SREBF1: variants seen among roughly 807,000 people sequenced by gnomAD.
The protein encoded by SREBF1 is sterol regulatory element-binding protein 1.
SREBF1 carries 45 observed loss-of-function variants against 100.1 expected under a neutral mutation model. The ratio of observed to expected loss-of-function variants is 0.45; its 90% CI spans 0.35 to 0.58. SREBF1 has a LOEUF of 0.58. SREBF1 is among the 20% of genes least tolerant of loss of function. SREBF1 has a pLI of 0.00. For synonymous variants in SREBF1, 657 were observed against 681.8 expected (o/e 0.96, Z 0.57); for missense variants, 1,324 against 1,539.4 (o/e 0.86, Z 2.34).
intron 1 of SREBF1, among the ~76,000 whole-genome samples, chr17:17,831,637 G>A (rs1388972245): frequency 6.6e-6 from 1 of 152,172 alleles, no homozygotes; most frequent in Non-Finnish European, 1.5e-5. Context: ...TCCTCAGCAG[G>A]GAGGTGAAGA....
At chr17:17,833,016 C>T (rs1218273768) in intron 1 of SREBF1, among the ~76,000 whole-genome samples, 1 of 151,956 alleles carries the variant, frequency 6.6e-6, no homozygotes, top group African/African-American at 2.4e-5. Flanking sequence ...AGGTGTCCAT[C>T]GACAGGGAAT....
Position 17,814,737 on chromosome 17 carries a change from C to CT in SREBF1, c.2612_2613insA (p.Val872GlyfsTer20). 1 of 1,610,562 alleles carries CT rather than the reference C, an allele frequency of 6.2e-7. No homozygotes were observed. The highest frequency in any genetic ancestry group is 1.1e-5 in the South Asian group (1 of 90,706). On this transcript the variant is annotated frameshift_variant, in exon 15 of 19. Transcript: ENST00000261646. LOFTEE classifies it high-confidence loss of function. ...TCAGAGAGGCCCACCACTTGGCCAC[C>CT]GGGTCTACGCCTGCAGAAGAGGGAG...
chr17:17,823,427 T>G, intron 1 of SREBF1: 2 of 990,454 alleles, frequency 2.0e-6, no homozygotes, highest in Non-Finnish European at 3.2e-6. Flanking sequence ...CCTGCTCAAG[T>G]TGCGTAGCCC....
At position 17,819,371 on chromosome 17, in the gene SREBF1, T is replaced by C. The variant is rs2033908677; in HGVS notation, c.795A>G (p.Ala265=). Residue 265 remains alanine (A), a synonymous_variant, in exon 4 of 19, where the codon GCA becomes GCG. Coordinates refer to ENST00000261646, the MANE Select transcript of SREBF1 (RefSeq NM_004176.5). ...MKTDGATVKA[A]GLSPLVSGTT... ...TGCCAGAGACCAGGGGACTGAGACC[T>C]GCCGCCTTCACAGTGGCTCCGTCTG... 1.9e-6 allele frequency: 3 copies of C among 1,613,720 alleles called. No individual in the cohort carries two copies. Among genetic ancestry groups the C allele is most frequent in the Admixed American group, 1.7e-5 (1 of 60,014 alleles).
At chr17:17,829,877 C>T (rs1196539301) in intron 1 of SREBF1, among the ~76,000 whole-genome samples, 3 of 152,076 alleles carry the variant, frequency 2.0e-5, no homozygotes, top group African/African-American at 4.8e-5. Flanking sequence ...CAGACTCAAG[C>T]GATCCCCCTG....
intron 1 of SREBF1, among the ~76,000 whole-genome samples, chr17:17,831,803 G>C (rs1331708095): frequency 3.3e-5 from 5 of 152,196 alleles, no homozygotes; most frequent in Non-Finnish European, 7.3e-5. Context: ...GGACACTATA[G>C]CCAGGGCAGT....
At chr17:17,825,952 G>T (rs186104879) in intron 1 of SREBF1, among the ~76,000 whole-genome samples, 98 of 152,234 alleles carry the variant, frequency 6.4e-4, no homozygotes, top group Admixed American at 2.2e-3. Flanking sequence ...ACTGAAAAAG[G>T]AAACTCTAGA....
In SREBF1 at chr17:17,818,365, AT is replaced by A; in HGVS notation, c.1077del (p.Lys359AsnfsTer27). ...LVVGTEAKLN[K>X]SAVLRKAIDY... ...TCGATGGCCTTGCGCAAGACAGCAG[AT>A]TTATTCAGCTGCACGGTGTGGGAGG... is the stretch of plus-strand genomic sequence containing the variant. On this transcript the variant is annotated frameshift_variant, in exon 6 of 19. Coordinates refer to ENST00000261646, the MANE Select transcript of SREBF1 (RefSeq NM_004176.5). LOFTEE classifies it high-confidence loss of function. The A allele has an allele frequency of 1.2e-6, 2 of 1,612,938 alleles. No homozygotes were observed. The highest frequency in any genetic ancestry group is 1.7e-6 in the Non-Finnish European group (2 of 1,179,740).
At chr17:17,813,862 G>A in intron 16 of SREBF1, 93 bp from the exon 17 acceptor site, 2 of 1,294,950 alleles carry the variant, frequency 1.5e-6, no homozygotes, top group Non-Finnish European at 1.1e-6. Context: ...GCTCCGGGCT[G>A]CACTGCCGAG....
Position 17,817,667 on chromosome 17 carries a change from G to A in SREBF1, c.1404+29C>T. ...GGCTCAGAGGATATGGCTGGGAGTG[G>A]GGAAGGGGGCACCGTGGCAGGGCCC... On this transcript the variant is annotated intron_variant, in intron 7 of 18. Coordinates refer to ENST00000261646, the MANE Select transcript of SREBF1 (RefSeq NM_004176.5). This position sits in a 1 kb window ranked among gnomAD's most constrained non-coding sequence, Gnocchi z 6.6. 4.3e-6 allele frequency: 7 copies of A among 1,611,606 alleles called. No individual in the cohort carries two copies. Among genetic ancestry groups the A allele is most frequent in the Non-Finnish European group, 5.9e-6 (7 of 1,178,950 alleles).
chr17:17,817,366 G>A lies in SREBF1; in HGVS notation c.1496C>T (p.Ser499Phe), dbSNP rs766529379. The change falls in exon 8 of 19, where the codon TCC becomes TTC. Residue 499 changes from serine (S) to phenylalanine (F), a missense_variant. Ser to Phe is a radical substitution (Grantham distance 155). Transcript: ENST00000261646. This position sits in a 1 kb window ranked among gnomAD's most constrained non-coding sequence, Gnocchi z 6.6. ...ALCTLVFLCL[S>F]CNPLASLLGA... ...CAGCAAGGAGGCCAAGGGGTTGCAG[G>A]ACAGGCAGAGGAAGACGAGCGTGCA... The A allele has an allele frequency of 4.4e-6, 7 of 1,607,976 alleles. No individual in the cohort carries two copies. The East Asian group carries it at 1.1e-4, about 26-fold the overall frequency.
In SREBF1 at chr17:17,813,560, G is replaced by T; in HGVS notation, c.3102+9C>A. 1 of 1,595,738 alleles carries T rather than the reference G, an allele frequency of 6.3e-7. No homozygotes were observed. The highest frequency in any genetic ancestry group is 2.3e-5 in the East Asian group (1 of 43,948). On this transcript the variant is annotated intron_variant, in intron 17 of 18. Coordinates refer to ENST00000261646, the MANE Select transcript of SREBF1 (RefSeq NM_004176.5). ...CCCCGTCTTGAGGACAGGGCCATCG[G>T]GCACTCACCCTCCGCATGGCGGGCC...
rs1283521831 is a variant in SREBF1, at chr17:17,817,368, C to T, written c.1494G>A (p.Leu498=). 1.2e-6 allele frequency: 2 copies of T among 1,607,800 alleles called. No homozygotes were observed. The highest frequency in any genetic ancestry group is 1.7e-5 in the Admixed American group (1 of 59,090). The part of the protein sequence containing the change: ...LALCTLVFLC[L]SCNPLASLLG... ...GCAAGGAGGCCAAGGGGTTGCAGGA[C>T]AGGCAGAGGAAGACGAGCGTGCACA... The change falls in exon 8 of 19, where the codon CTG becomes CTA. Residue 498 remains leucine, a synonymous_variant. Transcript: ENST00000261646. The surrounding 1 kb of genome is among the most constrained non-coding windows in gnomAD (Gnocchi z 6.6).
At position 17,820,415 on chromosome 17, in the gene SREBF1, G is replaced by A. The variant is rs2034015413; in HGVS notation, c.198C>T (p.Thr66=). ...AGGTDPASPD[T]SSPGSLSPPP... ...GTGGAGACAAGCTGCCTGGGGAGCT[G>A]GTATCGGGGCTGGCAGGGTCTGTGC... Residue 66 remains threonine, a synonymous_variant, in exon 2 of 19, where the codon ACC becomes ACT. Coordinates refer to ENST00000261646, the MANE Select transcript of SREBF1 (RefSeq NM_004176.5). 5.6e-6 allele frequency: 9 copies of A among 1,613,134 alleles called. No individual in the cohort carries two copies. The highest frequency in any genetic ancestry group is 7.6e-6 in the Non-Finnish European group (9 of 1,179,268).
rs1477698063 is a variant in SREBF1, at chr17:17,820,487, G to A, written c.126C>T (p.Asp42=). Residue 42 remains aspartate, a synonymous_variant, in exon 2 of 19, where the codon GAC becomes GAT. Coordinates refer to ENST00000261646, the MANE Select transcript of SREBF1 (RefSeq NM_004176.5). The part of the protein sequence containing the change: ...MLQLINNQDS[D]FPGLFDPPYA... Reference sequence around the variant, plus strand: ...AGGGTGGGTCAAATAGGCCAGGGAAGTCACTGTCTTGGTTGTTGATAAGCT... The same window carrying A: ...AGGGTGGGTCAAATAGGCCAGGGAAATCACTGTCTTGGTTGTTGATAAGCT... 5 of 1,613,966 alleles carry A rather than the reference G, an allele frequency of 3.1e-6. No individual in the cohort carries two copies. The highest frequency in any genetic ancestry group is 2.7e-5 in the African/African-American group (2 of 74,916).
chr17:17,819,619 G>C lies in SREBF1; in HGVS notation c.630C>G (p.Pro210=). The C allele has an allele frequency of 6.2e-7, 1 of 1,613,504 alleles. No homozygotes were observed. Among genetic ancestry groups the C allele is most frequent in the Non-Finnish European group, 8.5e-7 (1 of 1,179,778 alleles). Residue 210 remains proline (P), a synonymous_variant, in exon 3 of 19, where the codon CCC becomes CCG. Coordinates refer to ENST00000261646, the MANE Select transcript of SREBF1 (RefSeq NM_004176.5). ...CAGCTGTGACTGTCAGTAGCTGCTG[G>C]GGGACCACACTCTGGACCTGGGTGT... ...SLHTQVQSVV[P]QQLLTVTAAP...
Position 17,819,157 on chromosome 17 carries a change from G to A in SREBF1, c.924C>T (p.Leu308=), listed in dbSNP as rs115951804. 1.7e-5 allele frequency: 28 copies of A among 1,614,024 alleles called. No homozygotes were observed. The highest frequency in any genetic ancestry group is 7.7e-5 in the South Asian group (7 of 91,094). The stretch of plus-strand genomic sequence containing the variant: ...AGGCCGGGGCCTTGCTGCCAGCTGC[G>A]AGCCGGTTGATAGGCAGCTTCTCCG... ...VDAEKLPINR[L]AAGSKAPASA... The change falls in exon 5 of 19, where the codon CTC becomes CTT. Residue 308 remains leucine (L), a synonymous_variant. Coordinates refer to ENST00000261646, the MANE Select transcript of SREBF1 (RefSeq NM_004176.5).
At position 17,819,262 on chromosome 17, in the gene SREBF1, T is replaced by G. The variant is rs369375752; in HGVS notation, c.847-28A>C. The G allele has an allele frequency of 7.4e-6, 12 of 1,613,568 alleles. No homozygotes were observed. In the African/African-American group the frequency reaches 1.6e-4, roughly 22 times the overall value. On this transcript the variant is annotated intron_variant, in intron 4 of 18. Transcript: ENST00000261646. ...GCAGGGCCAGGCACATGTTACCAGG[T>G]GGGCATGTGTGTGTGTGTGTAGACC...
chr17:17,829,204 AAATAT>A (rs1484172012), intron 1 of SREBF1, among the ~76,000 whole-genome samples: 484 of 39,792 alleles, frequency 0.012, 3 homozygotes, highest in Non-Finnish European at 0.012. Flanking sequence ...AAAAAAAAAA[AAATAT>A]ATATATATAT....
Sources: gnomAD v4.1 joint callset for allele counts (sites outside exome capture counted in the v4.1 genomes callset) on GRCh38, gnomAD v4.1.1 for gene constraint, Gnocchi (gnomAD v3.1) non-coding constraint, MANE v1.5 for transcripts, NCBI Gene and HGNC (gene_info 2026-07-23, HGNC 2026-07-21) for gene names.